The following VILL variants were observed in gnomAD, a reference collection of about 807,000 sequenced individuals.
VILL encodes villin-like protein.
In VILL, 102 loss-of-function variants were observed where a neutral mutation model predicts 106.3. That is an observed-to-expected ratio of 0.96 (90% CI 0.82 to 1.13). The LOEUF (loss-of-function observed/expected upper bound fraction) is 1.13, where lower values mean the gene tolerates loss of function less well. VILL is among the 50% of genes most tolerant of loss of function. The probability of loss-of-function intolerance (pLI) is 0.00; values close to 1 mark genes in which losing one functional copy is unlikely to be tolerated. For synonymous variants in VILL, 431 were observed against 440.3 expected, an observed-to-expected ratio of 0.98 and a Z score of 0.27; for missense variants, 1,076 against 1,116.6, an observed-to-expected ratio of 0.96 and a Z score of 0.52.
chr3:38,001,042 GT>G (rs777864093), intron 11 of VILL: 1 of 467,730 alleles, frequency 2.1e-6, no homozygotes, highest in Middle Eastern at 3.2e-4. Context: ...CAGGCTTTGT[GT>G]TTTCTAAATG....
chr3:37,989,016 T>C (rs1248158469), upstream of VILL, among the ~76,000 whole-genome samples: 1 of 152,232 alleles, frequency 6.6e-6, no homozygotes. Flanking sequence ...TGTGGTAGGA[T>C]GGTCGTAGCG....
chr3:37,993,839 C>T (rs1699648086), intron 2 of VILL, 59 bp from the exon 3 acceptor site: 2 of 1,609,352 alleles, frequency 1.2e-6, no homozygotes, highest in South Asian at 2.2e-5. Context: ...CCACCCCACC[C>T]CAGCGGGTGT....
At position 38,005,797 on chromosome 3, in the gene VILL, C is replaced by T. The variant is rs766601018; in HGVS notation, c.1956C>T (p.Phe652=). 3 of 1,609,470 alleles carry T rather than the reference C, an allele frequency of 1.9e-6. No individual in the cohort carries two copies. The highest frequency in any genetic ancestry group is 1.7e-4 in the Middle Eastern group (1 of 5,872). The change falls in exon 17 of 20, where the codon TTC becomes TTT. Residue 652 remains phenylalanine (F), a synonymous_variant. Coordinates refer to ENST00000383759, the MANE Select transcript of VILL (RefSeq NM_015873.4). ...IMLLDTWQEI[F]LWLGEAASEW... Reference sequence around the variant, plus strand: ...AGGTCCCCTCTGTGGCTCAGATCTTCCTGTGGCTTGGGGAAGCTGCAAGTG... The same window carrying T: ...AGGTCCCCTCTGTGGCTCAGATCTTTCTGTGGCTTGGGGAAGCTGCAAGTG...
In VILL at chr3:37,999,067, G is replaced by T; in HGVS notation, c.1081+17G>T. On this transcript the variant is annotated intron_variant, in intron 10 of 19. Transcript: ENST00000383759. ...GCGGGAGGGGTGAGCGGGCGGGGCG[G>T]GGCTGACGGGGGCGGGGCGGGACTG... 1 of 1,337,898 alleles carries T rather than the reference G, an allele frequency of 7.5e-7. No individual in the cohort carries two copies. The highest frequency in any genetic ancestry group is 1.0e-6 in the Non-Finnish European group (1 of 1,002,502). The allele number at this position is 1,337,898 out of a possible 1,614,324, so 82.9% of individuals were successfully genotyped here. A position where few individuals can be genotyped will look rare whatever the true frequency, so the allele number is the denominator to read the frequency against.
upstream of VILL, among the ~76,000 whole-genome samples, chr3:37,988,907 G>T (rs1330190837): frequency 1.3e-5 from 2 of 152,132 alleles, no homozygotes; most frequent in African/African-American, 4.8e-5. Flanking sequence ...TAAATTTTAA[G>T]TATATTTTAC....
chr3:38,002,625 G>C, intron 14 of VILL, 50 bp downstream of exon 14: 3 of 1,576,808 alleles, frequency 1.9e-6, no homozygotes, highest in Non-Finnish European at 1.7e-6. Flanking sequence ...AGTGGTGCCA[G>C]GCTGGGGGTG....
intron 5 of VILL, among the ~76,000 whole-genome samples, 177 bp from the exon 6 acceptor site, chr3:37,996,896 CTGAG>C (rs987797420): frequency 1.7e-4 from 26 of 152,298 alleles, no homozygotes; most frequent in East Asian, 5.8e-4. Flanking sequence ...CAGACATGCA[CTGAG>C]TGAGAAGTGT....
chr3:37,990,992 C>A lies in VILL; in HGVS notation c.-87+163C>A, dbSNP rs1374934256. On this transcript the variant is annotated intron_variant, in intron 1 of 19. Transcript: ENST00000383759. The surrounding 1 kb of genome is among the most constrained non-coding windows in gnomAD (Gnocchi z 5.1). ...GGCAGCAGCCCAGCAGGTGAAAACA[C>A]TGATGGGGCAGGGCAGCTGTGGCCG... is the stretch of plus-strand genomic sequence containing the variant. The A allele has an allele frequency of 6.6e-6, 1 of 152,400 alleles. No homozygotes were observed. The highest frequency in any genetic ancestry group is 1.5e-5 in the Non-Finnish European group (1 of 68,194). The allele number at this position is 152,400 out of a possible 1,614,324, so 9.4% of individuals were successfully genotyped here.
chr3:38,001,972 C>T (rs1474092044), intron 13 of VILL, 112 bp downstream of exon 13: 2 of 1,513,384 alleles, frequency 1.3e-6, no homozygotes, highest in African/African-American at 1.4e-5. Context: ...GCTTATCATC[C>T]CCTAGTTTCC....
rs750780951 is a variant in VILL at position 38,001,596 on chromosome 3, G to A, written c.1320+3G>A. 37 of 1,613,920 alleles carry A rather than the reference G, an allele frequency of 2.3e-5. No homozygotes were observed. The highest frequency in any genetic ancestry group is 6.7e-5 in the Admixed American group (4 of 59,990). On this transcript the variant is annotated splice_donor_region_variant and intron_variant, in intron 12 of 19. Transcript: ENST00000383759. ...AGTACATCCTGTACCTATGGCAGGT[G>A]TGCCAGCCTGAGGGAGGCAGCACTC... is the stretch of plus-strand genomic sequence containing the variant.
chr3:38,003,490 G>A, intron 15 of VILL, 177 bp downstream of exon 15: 1 of 814,416 alleles, frequency 1.2e-6, no homozygotes, highest in Non-Finnish European at 1.8e-6. Context: ...TCCCAGGCCT[G>A]GGTAACTTGC....
rs1455384277 is a variant in VILL, at chr3:38,005,858, C to A, written c.2017C>A (p.Leu673Met). ...KEAVAWGQEY[L>M]KTHPAGRSPA... ...GGCGGTGGCCTGGGGCCAGGAGTAC[C>A]TGAAGACTCACCCAGCAGGGAGGAG... Residue 673 changes from leucine to methionine, a missense_variant, in exon 17 of 20, where the codon CTG becomes ATG. By Grantham distance (15) the Leu-to-Met change is conservative. Transcript: ENST00000383759. 2.5e-6 allele frequency: 4 copies of A among 1,614,076 alleles called. No individual in the cohort carries two copies. The highest frequency in any genetic ancestry group is 3.3e-4 in the Middle Eastern group (2 of 6,062).
intron 1 of VILL, among the ~76,000 whole-genome samples, chr3:37,991,898 T>TCC (rs1284581258): frequency 1.8e-4 from 28 of 152,040 alleles, no homozygotes; most frequent in Non-Finnish European, 3.7e-4. Context: ...CACCCATTCC[T>TCC]CCCTGGAGTC....
intron 1 of VILL, among the ~76,000 whole-genome samples, chr3:37,991,804 G>A (rs1699614443): frequency 6.6e-6 from 1 of 151,930 alleles, no homozygotes; most frequent in African/African-American, 2.4e-5. Context: ...GCACTGTGGG[G>A]GGTTCCCCTG....
chr3:38,002,672 C>A, intron 14 of VILL, 97 bp downstream of exon 14: 2 of 1,383,798 alleles, frequency 1.4e-6, no homozygotes, highest in Non-Finnish European at 2.0e-6. Context: ...TTGAGTCCAG[C>A]CTCAGATAGG....
chr3:37,989,111 C>T (rs1249576026), upstream of VILL, among the ~76,000 whole-genome samples: 1 of 152,110 alleles, frequency 6.6e-6, no homozygotes, highest in Non-Finnish European at 1.5e-5. Flanking sequence ...CAGGATCCAC[C>T]ATGAACCAGC....
rs1274050063 is a variant in VILL, at chr3:38,004,350, A to G, written c.1901A>G (p.Gln634Arg). 5 of 1,613,778 alleles carry G rather than the reference A, an allele frequency of 3.1e-6. No individual in the cohort carries two copies. In the East Asian group the frequency reaches 8.9e-5, roughly 29 times the overall value. Residue 634 changes from glutamine to arginine, a missense_variant, in exon 16 of 20, where the codon CAG (glutamine) becomes CGG (arginine). By Grantham distance (43) the Gln-to-Arg change is conservative. Coordinates refer to ENST00000383759, the MANE Select transcript of VILL (RefSeq NM_015873.4). ...LVLAEVGFFS[Q>R]EDLDKYDIML... The stretch of plus-strand genomic sequence containing the variant: ...CTCGCAGAAGTGGGGTTCTTCAGCC[A>G]GGAGGACCTGGACAAGTATGACATC...
chr3:38,004,166 G>C, intron 15 of VILL, 89 bp from the exon 16 acceptor site: 1 of 1,517,812 alleles, frequency 6.6e-7, no homozygotes. Flanking sequence ...CCTGAGAAGT[G>C]GCTTCCCAGG....
Position 37,998,914 on chromosome 3 carries a change from C to T in VILL, c.945C>T (p.Gly315=), listed in dbSNP as rs1559656989. The T allele has an allele frequency of 1.9e-6, 3 of 1,592,378 alleles. No individual in the cohort carries two copies. Among genetic ancestry groups the T allele is most frequent in the Non-Finnish European group, 2.6e-6 (3 of 1,165,832 alleles). The change falls in exon 10 of 20, where the codon GGC becomes GGT. Residue 315 remains glycine (G), a splice_region_variant and synonymous_variant. Transcript: ENST00000383759. The surrounding 1 kb of genome is among the most constrained non-coding windows in gnomAD (Gnocchi z 4.1). ...ERKAAFSRAV[G]FIQAKGYPTY... ...ACTGACGATGCCTTCCGCCCCAGGG[C>T]TTCATCCAGGCCAAGGGCTACCCGA...
Sources: allele counts gnomAD v4.1 joint callset (sites outside exome capture counted in the v4.1 genomes callset), GRCh38; gene constraint gnomAD v4.1.1; non-coding constraint Gnocchi (gnomAD v3.1); transcripts MANE v1.5; gene names NCBI Gene and HGNC (gene_info 2026-07-23, HGNC 2026-07-21).